The following VTI1A variants were observed in gnomAD, a reference collection of about 807,000 sequenced individuals.
VTI1A encodes the protein vesicle transport through interaction with t-SNAREs 1A.
Under a neutral mutation model 34.9 loss-of-function variants are expected in VTI1A, and 22 were observed. The ratio of observed to expected loss-of-function variants is 0.63; its 90% confidence interval spans 0.45 to 0.90. The LOEUF is 0.90. Ranked by LOEUF, VTI1A falls within the 40% of genes least tolerant of loss-of-function variation. The pLI is 0.00. For synonymous variants in VTI1A, 87 were observed against 97.3 expected (o/e 0.89, Z 0.62); for missense variants, 268 against 275.6 (o/e 0.97, Z 0.20).
intron 7 of VTI1A, among the ~76,000 whole-genome samples, chr10:112,791,867 G>A (rs1852492685): frequency 6.7e-6 from 1 of 149,394 alleles, no homozygotes. Context: ...CTCCTAAAAT[G>A]TGAGGGAAAC....
chr10:112,853,080 G>A, the VTI1A span, among the ~76,000 whole-genome samples: 5 of 152,150 alleles, frequency 3.3e-5, no homozygotes, highest in African/African-American at 4.8e-5. Flanking sequence ...CACCGCGCCC[G>A]GCCAGGGCTG....
intron 7 of VTI1A, among the ~76,000 whole-genome samples, chr10:112,749,642 A>G (rs1301802678): frequency 6.6e-6 from 1 of 152,222 alleles, no homozygotes; most frequent in African/African-American, 2.4e-5. Context: ...GGGAGAAGGC[A>G]TTTAAGGAAA....
chr10:112,576,794 T>G (rs1337918647), intron 5 of VTI1A, among the ~76,000 whole-genome samples: 1 of 152,234 alleles, frequency 6.6e-6, no homozygotes, highest in East Asian at 1.9e-4. Context: ...GCAGTATTTT[T>G]CAAATTTTGT....
chr10:112,623,016 T>C (rs934071132), intron 5 of VTI1A, among the ~76,000 whole-genome samples: 3 of 152,156 alleles, frequency 2.0e-5, no homozygotes, highest in African/African-American at 7.2e-5. Context: ...GTTTCTGCCT[T>C]GTGTATAATG....
At chr10:112,636,266 TC>T (rs1452048638) in intron 5 of VTI1A, among the ~76,000 whole-genome samples, 3 of 152,250 alleles carry the variant, frequency 2.0e-5, no homozygotes, top group Non-Finnish European at 4.4e-5. Context: ...CTTGAGCTCA[TC>T]AACTCACATA....
chr10:112,546,435 A>G (rs141357257), intron 5 of VTI1A, among the ~76,000 whole-genome samples: 3 of 152,186 alleles, frequency 2.0e-5, no homozygotes, highest in East Asian at 1.9e-4. Flanking sequence ...TTACAAATGT[A>G]TACTCCCTAT....
At chr10:112,490,808 CA>C (rs954190399) in intron 3 of VTI1A, among the ~76,000 whole-genome samples, 1 of 151,996 alleles carries the variant, frequency 6.6e-6, no homozygotes, top group African/African-American at 2.4e-5. Flanking sequence ...TTCAGATGTT[CA>C]AAGGAGGTGA....
At chr10:112,852,778 T>C in the VTI1A span, among the ~76,000 whole-genome samples, 1 of 151,094 alleles carries the variant, frequency 6.6e-6, no homozygotes, top group East Asian at 1.9e-4. Context: ...TGTTTTGTTT[T>C]GTTTGTTTGT....
chr10:112,820,565 G>T (rs895808303), downstream of VTI1A, among the ~76,000 whole-genome samples: 1 of 152,244 alleles, frequency 6.6e-6, no homozygotes. Flanking sequence ...AGGTGACTGC[G>T]TGGACAGCTC....
At chr10:112,842,611 G>A in the VTI1A span, among the ~76,000 whole-genome samples, 1 of 152,128 alleles carries the variant, frequency 6.6e-6, no homozygotes, top group African/African-American at 2.4e-5. Context: ...TCTGTATAAA[G>A]GTCCTTCAGC....
intron 7 of VTI1A, among the ~76,000 whole-genome samples, chr10:112,793,602 TC>T (rs1852565385): frequency 6.6e-6 from 1 of 152,212 alleles, no homozygotes; most frequent in Non-Finnish European, 1.5e-5. Context: ...CATGCTGAAG[TC>T]ATAAAAATGA....
At chr10:112,480,513 T>TGTGTGTGTGTGCATGTGCATGTGC (rs1848426220) in intron 3 of VTI1A, among the ~76,000 whole-genome samples, 1 of 151,948 alleles carries the variant, frequency 6.6e-6, no homozygotes, top group Non-Finnish European at 1.5e-5. Flanking sequence ...TCAACCCATA[T>TGTGTGTGTGTGCATGTGCATGTGC]GTGTGTGTGT....
At chr10:112,798,185 C>T (rs760227414) in intron 7 of VTI1A, among the ~76,000 whole-genome samples, 7 of 152,140 alleles carry the variant, frequency 4.6e-5, no homozygotes, top group East Asian at 1.9e-4. Flanking sequence ...AGGTGGGACC[C>T]TCAGGGGGCT....
downstream of VTI1A, among the ~76,000 whole-genome samples, chr10:112,819,263 T>G (rs1477861177): frequency 6.6e-6 from 1 of 152,206 alleles, no homozygotes; most frequent in Non-Finnish European, 1.5e-5. Flanking sequence ...CCCTTTGGTT[T>G]GAACTGCTAG....
chr10:112,634,514 TACAC>T (rs10545562), intron 5 of VTI1A, among the ~76,000 whole-genome samples: 8,771 of 144,006 alleles, frequency 0.061, 290 homozygotes, highest in African/African-American at 0.068. Context: ...CACACACACA[TACAC>T]ACACACACAC....
At chr10:112,596,081 A>C (rs1303659930) in intron 5 of VTI1A, among the ~76,000 whole-genome samples, 2 of 149,174 alleles carry the variant, frequency 1.3e-5, no homozygotes, top group Non-Finnish European at 3.0e-5. Flanking sequence ...CAAACACTGC[A>C]TTTTCTCACT....
intron 3 of VTI1A, among the ~76,000 whole-genome samples, chr10:112,483,544 A>T (rs1013903696): frequency 1.3e-5 from 2 of 152,140 alleles, no homozygotes; most frequent in Non-Finnish European, 2.9e-5. Flanking sequence ...GGATTCCTCA[A>T]CCTCAGCACT....
At chr10:112,720,782 A>G (rs1849776641) in intron 7 of VTI1A, among the ~76,000 whole-genome samples, 1 of 152,204 alleles carries the variant, frequency 6.6e-6, no homozygotes, top group African/African-American at 2.4e-5. Context: ...TAGAAAGATC[A>G]GCTTGTCTAA....
At chr10:112,484,202 G>A (rs1848543383) in intron 3 of VTI1A, among the ~76,000 whole-genome samples, 1 of 152,198 alleles carries the variant, frequency 6.6e-6, no homozygotes, top group Non-Finnish European at 1.5e-5. Context: ...GTGCCATTGG[G>A]CAAGTCATTG....
Sources: gnomAD v4.1 joint callset for allele counts (sites outside exome capture counted in the v4.1 genomes callset) on GRCh38, gnomAD v4.1.1 for gene constraint, MANE v1.5 for transcripts, NCBI Gene and HGNC (gene_info 2026-07-23, HGNC 2026-07-21) for gene names.